The following NIPAL2 variants were observed in gnomAD, a reference collection of about 807,000 sequenced individuals.
NIPAL2 encodes the protein NIPA like domain containing 2, also known as NIPA-like protein 2.
Under a neutral mutation model 48.9 loss-of-function variants are expected in NIPAL2, and 43 were observed. The observed-to-expected ratio is 0.88, with a 90% CI of 0.69 to 1.13. The LOEUF (loss-of-function observed/expected upper bound fraction) is 1.13, where lower values mean the gene tolerates loss of function less well. Among genes scored for constraint, NIPAL2 ranks in the 50% most tolerant of loss-of-function variants. The pLI, the probability that NIPAL2 is intolerant of heterozygous loss-of-function variation, is 0.00. For synonymous variants in NIPAL2, 167 were observed against 174.6 expected, an observed-to-expected ratio of 0.96 and a Z score of 0.34; for missense variants, 446 against 461.4, an observed-to-expected ratio of 0.97 and a Z score of 0.31.
intron 5 of NIPAL2, among the ~76,000 whole-genome samples, chr8:98,220,778 C>T (rs1249026314): frequency 6.6e-6 from 1 of 151,934 alleles, no homozygotes; most frequent in African/African-American, 2.4e-5. Flanking sequence ...CTAGACTATC[C>T]CAGTTTTCTT....
intron 3 of NIPAL2, among the ~76,000 whole-genome samples, chr8:98,245,407 G>A (rs888482103): frequency 3.9e-5 from 6 of 152,048 alleles, no homozygotes; most frequent in African/African-American, 1.2e-4. Flanking sequence ...CTTACAGCGG[G>A]AAAAGTTCTA....
intron 5 of NIPAL2, 108 bp downstream of exon 5, chr8:98,222,371 A>G (rs1811936255): frequency 3.4e-6 from 4 of 1,181,188 alleles, no homozygotes; most frequent in Non-Finnish European, 4.6e-6. Flanking sequence ...TTAGATTTTA[A>G]TAAGATATTA....
chr8:98,271,993 A>G (rs1029392597), intron 1 of NIPAL2, among the ~76,000 whole-genome samples: 1 of 152,068 alleles, frequency 6.6e-6, no homozygotes, highest in Non-Finnish European at 1.5e-5. Context: ...GTGGTGAATC[A>G]CATTTACTGA....
intron 1 of NIPAL2, among the ~76,000 whole-genome samples, chr8:98,282,528 C>G (rs1047654888): frequency 6.6e-6 from 1 of 152,050 alleles, no homozygotes; most frequent in African/African-American, 2.4e-5. Context: ...ACAATACCAG[C>G]TGGGCGTGGT....
At chr8:98,247,496 G>A (rs1432362645) in intron 3 of NIPAL2, among the ~76,000 whole-genome samples, 1 of 152,162 alleles carries the variant, frequency 6.6e-6, no homozygotes. Context: ...TTGCAATGCA[G>A]AGAGTCTCCA....
chr8:98,194,859 T>C (rs1810473111), intron 9 of NIPAL2, 37 bp from the exon 10 acceptor site: 1 of 1,200,158 alleles, frequency 8.3e-7, no homozygotes, highest in Non-Finnish European at 1.2e-6. Flanking sequence ...ACAAGAACAC[T>C]GAAACAGACT....
chr8:98,194,095 C>T (rs1319676222), intron 10 of NIPAL2, among the ~76,000 whole-genome samples: 2 of 152,192 alleles, frequency 1.3e-5, no homozygotes, highest in African/African-American at 4.8e-5. Flanking sequence ...GGTCCCCCTA[C>T]ATCCCCAGTA....
intron 3 of NIPAL2, among the ~76,000 whole-genome samples, chr8:98,243,310 A>G (rs1411545777): frequency 6.6e-6 from 1 of 152,204 alleles, no homozygotes; most frequent in Non-Finnish European, 1.5e-5. Flanking sequence ...AGGTTCATAT[A>G]AGGAAACGTA....
chr8:98,249,708 A>G (rs920396754), intron 3 of NIPAL2, among the ~76,000 whole-genome samples: 4 of 147,466 alleles, frequency 2.7e-5, no homozygotes, highest in South Asian at 2.1e-4. Context: ...TATATTAAAT[A>G]TATTAAACAT....
At chr8:98,237,582 C>A (rs919940685) in intron 3 of NIPAL2, among the ~76,000 whole-genome samples, 31 of 152,196 alleles carry the variant, frequency 2.0e-4, no homozygotes, top group African/African-American at 7.5e-4. Context: ...AGGACAAAGG[C>A]CACACTACCA....
chr8:98,283,582 C>T (rs1430536288), intron 1 of NIPAL2, among the ~76,000 whole-genome samples: 3 of 152,178 alleles, frequency 2.0e-5, no homozygotes, highest in Non-Finnish European at 4.4e-5. Flanking sequence ...TTTAACAACC[C>T]ATAATCCTTT....
intron 5 of NIPAL2, among the ~76,000 whole-genome samples, chr8:98,219,168 T>C (rs1266647943): frequency 6.6e-6 from 1 of 152,110 alleles, no homozygotes; most frequent in Non-Finnish European, 1.5e-5. Context: ...TGGTTTTTGA[T>C]ATGTTACATT....
At position 98,194,773 on chromosome 8, in the gene NIPAL2, T is replaced by C. The variant is rs759423995; in HGVS notation, c.994A>G (p.Lys332Glu). 4.4e-6 allele frequency: 7 copies of C among 1,577,850 alleles called. No individual in the cohort carries two copies. The Admixed American group carries it at 1.4e-4, about 31-fold the overall frequency. Residue 332 changes from lysine to glutamate, a missense_variant, in exon 10 of 11, where the codon AAG (lysine) becomes GAG (glutamate). Lys to Glu is a moderately conservative substitution (Grantham distance 56). Coordinates refer to ENST00000430223, the MANE Select transcript of NIPAL2 (RefSeq NM_001321635.2). ...ATATAAGACTGTTGCAGATGTTCCT[T>C]TTCTCGATTTCTTGTGACCAAAAAT... ...GVFLVTRNRE[K>E]EHLQQSYIDF...
intron 8 of NIPAL2, among the ~76,000 whole-genome samples, chr8:98,200,928 A>G (rs1810769269): frequency 6.6e-6 from 1 of 152,198 alleles, no homozygotes; most frequent in African/African-American, 2.4e-5. Flanking sequence ...CTTTTCAAGA[A>G]CATCTATTCA....
chr8:98,243,769 C>G (rs368626768), intron 3 of NIPAL2, among the ~76,000 whole-genome samples: 2 of 151,116 alleles, frequency 1.3e-5, no homozygotes, highest in South Asian at 4.2e-4. Flanking sequence ...AGCTCAAGGG[C>G]AGATTTTTAC....
At chr8:98,244,704 A>C (rs561172227) in intron 3 of NIPAL2, among the ~76,000 whole-genome samples, 1 of 152,206 alleles carries the variant, frequency 6.6e-6, no homozygotes, top group Non-Finnish European at 1.5e-5. Context: ...GGCACTCCTG[A>C]ATCAGCCTTA....
intron 5 of NIPAL2, among the ~76,000 whole-genome samples, chr8:98,220,844 T>A (rs1811817985): frequency 6.6e-6 from 1 of 152,150 alleles, no homozygotes; most frequent in Non-Finnish European, 1.5e-5. Context: ...CTAACTTCTG[T>A]GACAAGTTGC....
At chr8:98,258,462 C>T (rs1405511170) in intron 1 of NIPAL2, among the ~76,000 whole-genome samples, 4 of 152,112 alleles carry the variant, frequency 2.6e-5, no homozygotes, top group African/African-American at 9.7e-5. Flanking sequence ...GAAAAACTCA[C>T]CTGCTGCAGA....
intron 10 of NIPAL2, chr8:98,193,518 A>T: frequency 2.6e-6 from 3 of 1,171,394 alleles, no homozygotes; most frequent in Non-Finnish European, 3.8e-6. Flanking sequence ...GAAATAAAAA[A>T]TAGAGTTAAA....
Sources: allele counts gnomAD v4.1 joint callset (sites outside exome capture counted in the v4.1 genomes callset), GRCh38; gene constraint gnomAD v4.1.1; transcripts MANE v1.5; gene names NCBI Gene and HGNC (gene_info 2026-07-23, HGNC 2026-07-21).